Variants in RUNX1 observed in about 807,000 individuals in gnomAD.
RUNX1 encodes runt-related transcription factor 1.
In RUNX1, 19 loss-of-function variants were observed where a neutral mutation model predicts 42.8. The ratio of observed to expected loss-of-function variants is 0.44; its 90% CI spans 0.31 to 0.65. The LOEUF is 0.65. Ranked by LOEUF, RUNX1 falls within the 30% of genes least tolerant of loss-of-function variation. RUNX1 has a pLI of 0.07. For missense variants in RUNX1, 528 were observed against 672.0 expected, an observed-to-expected ratio of 0.79 and a Z score of 2.37; for synonymous variants, 271 against 289.4, an observed-to-expected ratio of 0.94 and a Z score of 0.64.
At chr21:34,795,575 C>A (rs1212197987) in intron 8 of RUNX1, among the ~76,000 whole-genome samples, 1 of 152,168 alleles carries the variant, frequency 6.6e-6, no homozygotes, top group Non-Finnish European at 1.5e-5. Flanking sequence ...TCCTGTTAAT[C>A]TTTTCAAAGC....
chr21:34,856,158 GT>G lies in RUNX1; in HGVS notation c.613+3315del, dbSNP rs375077002. ...GGGGAGGGATGCATCAAGTTTACCC[GT>G]CGGCATGAAAAACAGACGAGCTGTG... On this transcript the variant is annotated intron_variant, in intron 6 of 8. Transcript: ENST00000675419. 8.7e-3 allele frequency: 3,132 copies of G among 359,560 alleles called. 61 individuals carry two copies. The highest frequency in any genetic ancestry group is 0.041 in the South Asian group (1,960 of 47,782). The allele number at this position is 359,560 out of a possible 1,614,324, so 22.3% of individuals were successfully genotyped here.
chr21:34,823,547 G>A (rs1430018113), intron 7 of RUNX1, among the ~76,000 whole-genome samples: 3 of 148,326 alleles, frequency 2.0e-5, no homozygotes, highest in Admixed American at 6.8e-5. Flanking sequence ...AGGTTCAAGC[G>A]ATTCTCCTGC....
chr21:34,810,532 G>A (rs1016920497), intron 7 of RUNX1, among the ~76,000 whole-genome samples: 1 of 152,182 alleles, frequency 6.6e-6, no homozygotes, highest in Non-Finnish European at 1.5e-5. Flanking sequence ...AAAGCCAAAA[G>A]GGCTTCAGTA....
rs959907487 is a variant in RUNX1, at chr21:34,790,583, T to A, written c.*1552A>T. 1 of 233,248 alleles carries A rather than the reference T, an allele frequency of 4.3e-6. No homozygotes were observed. Among genetic ancestry groups the A allele is most frequent in the East Asian group, 6.0e-5 (1 of 16,610 alleles). The allele number at this position is 233,248 out of a possible 1,614,324, so 14.4% of individuals were successfully genotyped here. On this transcript the variant is annotated 3_prime_UTR_variant, in exon 9 of 9. Coordinates refer to ENST00000675419, the MANE Select transcript of RUNX1 (RefSeq NM_001754.5). ...TTTGAATTGTAGCCACGGACAGTAGTGACATGAATCTTTCCTGTCACACTG... is the reference window on the plus strand; with the variant it reads ...TTTGAATTGTAGCCACGGACAGTAGAGACATGAATCTTTCCTGTCACACTG...
chr21:34,898,724 T>C (rs1368133749), intron 2 of RUNX1, among the ~76,000 whole-genome samples: 1 of 152,146 alleles, frequency 6.6e-6, no homozygotes, highest in African/African-American at 2.4e-5. Flanking sequence ...CACCTTTAAA[T>C]TCCCTAGGCA....
chr21:35,002,429 A>ATTT (rs1569146236), intron 2 of RUNX1, among the ~76,000 whole-genome samples: 4 of 143,020 alleles, frequency 2.8e-5, no homozygotes, highest in African/African-American at 7.9e-5. Flanking sequence ...TTTATTTATT[A>ATTT]TTTATTTATT....
intron 3 of RUNX1, chr21:34,888,768 T>G: frequency 1.2e-6 from 1 of 860,028 alleles, no homozygotes; most frequent in Non-Finnish European, 1.4e-6. Flanking sequence ...CTCGTTTGCA[T>G]AGGGGCGGCC....
intron 5 of RUNX1, among the ~76,000 whole-genome samples, chr21:34,860,656 T>C (rs908101074): frequency 2.0e-5 from 3 of 152,236 alleles, no homozygotes; most frequent in African/African-American, 7.2e-5. Flanking sequence ...AATACAGTAG[T>C]TCTTTAATCA....
chr21:34,853,985 G>A (rs1440384384), intron 6 of RUNX1, among the ~76,000 whole-genome samples: 1 of 151,946 alleles, frequency 6.6e-6, no homozygotes, highest in Non-Finnish European at 1.5e-5. Context: ...GCCGATTTTT[G>A]TATTTTCTGG....
chr21:34,964,536 G>A (rs1332591347), intron 2 of RUNX1, among the ~76,000 whole-genome samples: 1 of 151,960 alleles, frequency 6.6e-6, no homozygotes, highest in South Asian at 2.1e-4. Context: ...ACAAAGGAAG[G>A]TTGTGTGCTT....
At chr21:34,849,372 A>AGT (rs2057374806) in intron 6 of RUNX1, among the ~76,000 whole-genome samples, 1 of 41,544 alleles carries the variant, frequency 2.4e-5, no homozygotes, top group African/African-American at 8.9e-5. Flanking sequence ...TATTATATAT[A>AGT]CTATATACAT....
chr21:34,859,801 A>G (rs1437745419), intron 5 of RUNX1, among the ~76,000 whole-genome samples: 1 of 152,234 alleles, frequency 6.6e-6, no homozygotes, highest in African/African-American at 2.4e-5. Context: ...TGTAATCATC[A>G]ATAAACAATA....
rs1798327517 is a variant in RUNX1 at position 34,792,123 on chromosome 21, A to C, written c.*12T>G. 2 of 1,404,676 alleles carry C rather than the reference A, an allele frequency of 1.4e-6. No homozygotes were observed. Among genetic ancestry groups the C allele is most frequent in the Non-Finnish European group, 1.8e-6 (2 of 1,088,528 alleles). 87.0% of individuals were successfully genotyped at this position (1,404,676 alleles called of 1,614,324 possible). A position where few individuals can be genotyped will look rare whatever the true frequency, so the allele number is the denominator to read the frequency against. Reference sequence around the variant, plus strand: ...GCGGCCCGCGGGGCCCAGCCGGGCCAGGCCTGGCGCCTCAGTAGGGCCTCC... The same window carrying C: ...GCGGCCCGCGGGGCCCAGCCGGGCCCGGCCTGGCGCCTCAGTAGGGCCTCC... On this transcript the variant is annotated 3_prime_UTR_variant, in exon 9 of 9. Transcript: ENST00000675419. This position sits in a 1 kb window ranked among gnomAD's most constrained non-coding sequence, Gnocchi z 6.9.
At chr21:35,015,677 G>A (rs2059154220) in intron 2 of RUNX1, among the ~76,000 whole-genome samples, 1 of 152,218 alleles carries the variant, frequency 6.6e-6, no homozygotes, top group African/African-American at 2.4e-5. Flanking sequence ...GAAGGAGGAA[G>A]CAAAGGAGCA....
chr21:35,008,974 G>A (rs1023859964), intron 2 of RUNX1, among the ~76,000 whole-genome samples: 1 of 152,228 alleles, frequency 6.6e-6, no homozygotes, highest in African/African-American at 2.4e-5. Flanking sequence ...CGACTGTAAT[G>A]GAGAGGTTGA....
At chr21:34,964,946 A>G (rs1431346126) in intron 2 of RUNX1, among the ~76,000 whole-genome samples, 2 of 152,114 alleles carry the variant, frequency 1.3e-5, no homozygotes, top group Non-Finnish European at 2.9e-5. Flanking sequence ...ATGTGCTTGT[A>G]CACATGCATG....
In RUNX1 at chr21:34,813,139, T is replaced by C. The variant is rs968700094; in HGVS notation, c.806-13677A>G. Reference sequence around the variant, plus strand: ...ATTTCTGGCAATGTCTGGAGACATTTTTGGTTGCCACAACTGAGGAAGGGG... The same window carrying C: ...ATTTCTGGCAATGTCTGGAGACATTCTTGGTTGCCACAACTGAGGAAGGGG... On this transcript the variant is annotated intron_variant, in intron 7 of 8. Transcript: ENST00000675419. 2.0e-5 allele frequency among the ~76,000 whole-genome samples: 3 copies of C among 152,202 alleles called. No homozygotes were observed. In the East Asian group the frequency reaches 5.8e-4, roughly 29 times the overall value.
At chr21:34,891,725 A>G (rs2058082878) in intron 3 of RUNX1, among the ~76,000 whole-genome samples, 1 of 152,014 alleles carries the variant, frequency 6.6e-6, no homozygotes, top group Non-Finnish European at 1.5e-5. Context: ...AAAAAAATAC[A>G]ACGAAGCGAT....
intron 2 of RUNX1, among the ~76,000 whole-genome samples, chr21:34,933,296 C>T (rs952516667): frequency 2.3e-4 from 35 of 152,178 alleles, no homozygotes; most frequent in Admixed American, 1.8e-3. Context: ...TTACATGCTA[C>T]AAGTAGCCCC....
Sources: allele counts gnomAD v4.1 joint callset (sites outside exome capture counted in the v4.1 genomes callset), GRCh38; gene constraint gnomAD v4.1.1; non-coding constraint Gnocchi (gnomAD v3.1); transcripts MANE v1.5; gene names NCBI Gene and HGNC (gene_info 2026-07-23, HGNC 2026-07-21).